ANKMY2: variants seen among roughly 807,000 people sequenced by gnomAD.
The protein encoded by ANKMY2 is ankyrin repeat and MYND domain containing 2.
A neutral mutation model predicts 50.4 loss-of-function variants in ANKMY2; 36 were observed. The observed-to-expected ratio is 0.71, with a 90% confidence interval of 0.55 to 0.94. The LOEUF is 0.94. Ranked by LOEUF, ANKMY2 falls within the 40% of genes least tolerant of loss-of-function variation. The probability of loss-of-function intolerance (pLI) is 0.00; values close to 1 mark genes in which losing one functional copy is unlikely to be tolerated. For synonymous variants in ANKMY2, 187 were observed against 178.8 expected (o/e 1.05, Z -0.36); for missense variants, 565 against 524.0 (o/e 1.08, Z -0.76).
At position 16,610,699 on chromosome 7, in the gene ANKMY2, C is replaced by G; in HGVS notation, c.596G>C (p.Arg199Thr). 3.1e-6 allele frequency: 5 copies of G among 1,613,974 alleles called. No homozygotes were observed. Among genetic ancestry groups the G allele is most frequent in the Non-Finnish European group, 4.2e-6 (5 of 1,179,964 alleles). The change falls in exon 6 of 10, where the codon AGA (arginine) becomes ACA (threonine). Residue 199 changes from arginine (R) to threonine (T), a missense_variant. Physicochemically the swap from Arg to Thr is moderately conservative, Grantham distance 71 (BLOSUM62 -1). Transcript: ENST00000306999. ...TEEAALNKCYRVMDLICEKCM... is the reference protein window; with the variant it reads ...TEEAALNKCYTVMDLICEKCM... ...TTTCTCACAAATCAAATCCATCACTCTGTAGCATTTATTCAGGGCTGCTTC... is the reference window on the plus strand; with the variant it reads ...TTTCTCACAAATCAAATCCATCACTGTGTAGCATTTATTCAGGGCTGCTTC...
At chr7:16,634,236 C>T (rs1781625556) in intron 2 of ANKMY2, among the ~76,000 whole-genome samples, 1 of 152,048 alleles carries the variant, frequency 6.6e-6, no homozygotes, top group Admixed American at 6.6e-5. Flanking sequence ...TAACAGAAAC[C>T]AGAGTTATCT....
At chr7:16,625,181 T>C in intron 3 of ANKMY2, 100 bp from the exon 4 acceptor site, 3 of 829,098 alleles carry the variant, frequency 3.6e-6, no homozygotes, top group Non-Finnish European at 5.7e-6. Flanking sequence ...CAGTTAGTTT[T>C]AGGTTTCTGT....
At position 16,600,944 on chromosome 7, in the gene ANKMY2, G is replaced by T; in HGVS notation, c.1143C>A (p.His381Gln). Residue 381 changes from histidine (H) to glutamine (Q), a missense_variant and splice_region_variant, in exon 10 of 10, where the codon CAC (histidine) becomes CAA (glutamine). Physicochemically the swap from His to Gln is conservative, Grantham distance 24. Coordinates refer to ENST00000306999, the MANE Select transcript of ANKMY2 (RefSeq NM_020319.3). The stretch of plus-strand genomic sequence containing the variant: ...AGTTAGAATTGACATCAAGTTTGCC[G>T]TCTGATTAAAAAAAGAAGAAGTTAT... ...AAKEKRQEEN[H>Q]GKLDVNSNCV... The T allele has an allele frequency of 6.3e-7, 1 of 1,575,878 alleles. No individual in the cohort carries two copies. Among genetic ancestry groups the T allele is most frequent in the Non-Finnish European group, 8.6e-7 (1 of 1,160,390 alleles).
intron 2 of ANKMY2, among the ~76,000 whole-genome samples, chr7:16,630,011 G>C (rs1038860877): frequency 1.3e-4 from 19 of 151,958 alleles, no homozygotes; most frequent in African/African-American, 4.3e-4. Flanking sequence ...GAAATAATTT[G>C]AAACAATACT....
Position 16,600,839 on chromosome 7 carries a change from C to G in ANKMY2, c.1248G>C (p.Lys416Asn), listed in dbSNP as rs1308989091. ...CAGCTTCGCTTTCAAGAGATTCTTT[C>G]TTTCCTTCCCCGGAATCTTCAGGAT... ...DSNPEDSGEG[K>N]KESLESEAEL... Residue 416 changes from lysine (K) to asparagine (N), a missense_variant, in exon 10 of 10, where the codon AAG becomes AAC. Lys to Asn is a moderately conservative substitution (Grantham distance 94). Coordinates refer to ENST00000306999, the MANE Select transcript of ANKMY2 (RefSeq NM_020319.3). 1.9e-6 allele frequency: 3 copies of G among 1,613,540 alleles called. No homozygotes were observed. The South Asian group carries it at 3.3e-5, about 18-fold the overall frequency.
Position 16,609,773 on chromosome 7 carries a change from A to G in ANKMY2, c.747-8T>C, listed in dbSNP as rs750247421. Reference sequence around the variant, plus strand: ...GCTCGGCCTTTTAACAAGCTGAAAGATATTTTTTAAAGCGTAATTGGAGTT... The same window carrying G: ...GCTCGGCCTTTTAACAAGCTGAAAGGTATTTTTTAAAGCGTAATTGGAGTT... On this transcript the variant is annotated splice_region_variant and splice_polypyrimidine_tract_variant and intron_variant, in intron 6 of 9. Transcript: ENST00000306999. 4.4e-6 allele frequency: 7 copies of G among 1,607,792 alleles called. No homozygotes were observed. In the South Asian group the frequency reaches 7.8e-5, roughly 18 times the overall value.
rs761231422 is a variant in ANKMY2, at chr7:16,645,562, T to C, written c.12A>G (p.Ile4Met). ...CCTCCTGGGTCAGCTCGCCTTTCTT[T>C]ATGTGAACCATTGCTCCCGCCAGCT... MVH[I>M]KKGELTQEEK... Residue 4 changes from isoleucine to methionine, a missense_variant, in exon 1 of 10, where the codon ATA becomes ATG. By Grantham distance (10) the Ile-to-Met change is conservative. Transcript: ENST00000306999. The C allele has an allele frequency of 3.7e-6, 6 of 1,611,898 alleles. No individual in the cohort carries two copies. In the African/African-American group the frequency reaches 4.0e-5, roughly 11 times the overall value.
intron 5 of ANKMY2, among the ~76,000 whole-genome samples, chr7:16,611,971 T>C (rs1471698184): frequency 2.0e-5 from 3 of 152,154 alleles, no homozygotes; most frequent in Non-Finnish European, 4.4e-5. Flanking sequence ...GCTGAGAGCT[T>C]TCCTTTCACT....
chr7:16,638,920 A>T (rs1261247494), intron 1 of ANKMY2, among the ~76,000 whole-genome samples: 1 of 152,242 alleles, frequency 6.6e-6, no homozygotes, highest in Non-Finnish European at 1.5e-5. Flanking sequence ...CCAGTGGCAG[A>T]GACCAAATAG....
chr7:16,645,417 A>G, intron 1 of ANKMY2, 90 bp downstream of exon 1: 2 of 1,313,340 alleles, frequency 1.5e-6, no homozygotes, highest in Non-Finnish European at 2.1e-6. Flanking sequence ...AACCGCAGCC[A>G]AAGGTCACCC....
chr7:16,618,297 A>C (rs1781386565), intron 4 of ANKMY2, among the ~76,000 whole-genome samples: 1 of 152,130 alleles, frequency 6.6e-6, no homozygotes, highest in Non-Finnish European at 1.5e-5. Flanking sequence ...TCAACAAAAC[A>C]AACAAAAAAG....
rs548127865 is a variant in ANKMY2, at chr7:16,603,666, G to A, written c.1011+1055C>T. 3.0e-5 allele frequency: 14 copies of A among 471,142 alleles called. No homozygotes were observed. The East Asian group carries it at 8.3e-4, about 28-fold the overall frequency. The allele number at this position is 471,142 out of a possible 1,614,324, so 29.2% of individuals were successfully genotyped here. On this transcript the variant is annotated intron_variant, in intron 8 of 9. Transcript: ENST00000306999. ...TGATTTCAAAGTTCTCTGCACTGAA[G>A]GGGAGGAGACTTGACTTCAGATTGG...
rs544834852 is a variant in ANKMY2 at position 16,606,341 on chromosome 7, A to T, written c.883-1492T>A. 2.0e-5 allele frequency among the ~76,000 whole-genome samples: 3 copies of T among 152,138 alleles called. No individual in the cohort carries two copies. The South Asian group carries it at 6.2e-4, about 32-fold the overall frequency. On this transcript the variant is annotated intron_variant, in intron 7 of 9. Transcript: ENST00000306999. ...CTACTTGGGAGGCTGAGGCAGAAGG[A>T]TCACCTGAGTCCGGGAGGCAGAGGT...
intron 1 of ANKMY2, among the ~76,000 whole-genome samples, chr7:16,638,928 T>C (rs1014533320): frequency 1.3e-5 from 2 of 152,158 alleles, no homozygotes; most frequent in African/African-American, 4.8e-5. Context: ...AGAGACCAAA[T>C]AGATATTTCT....
chr7:16,604,691 T>C (rs1317737032), intron 8 of ANKMY2, 30 bp downstream of exon 8: 2 of 1,607,580 alleles, frequency 1.2e-6, no homozygotes, highest in Non-Finnish European at 1.7e-6. Flanking sequence ...AAACCAGAGG[T>C]CAATGAAATA....
At chr7:16,623,112 G>A (rs988667735) in intron 4 of ANKMY2, among the ~76,000 whole-genome samples, 1 of 152,168 alleles carries the variant, frequency 6.6e-6, no homozygotes, top group Non-Finnish European at 1.5e-5. Context: ...TATCTGCTGT[G>A]TGATGGGTGG....
intron 4 of ANKMY2, among the ~76,000 whole-genome samples, chr7:16,624,767 C>T (rs1781487162): frequency 6.6e-6 from 1 of 152,002 alleles, no homozygotes; most frequent in African/African-American, 2.4e-5. Context: ...TTACAATGGC[C>T]CCACTACTCT....
rs1053650033 is a variant in ANKMY2 at position 16,640,731 on chromosome 7, C to T, written c.68-4276G>A. On this transcript the variant is annotated intron_variant, in intron 1 of 9. Transcript: ENST00000306999. ...ACAACGGGGTCTCACTATATTGAGA[C>T]CCAGGCTGGTGGCAAACTCCTGGGT... Among the ~76,000 whole-genome samples the T allele has an allele frequency of 3.3e-5, 5 of 151,922 alleles. No individual in the cohort carries two copies. In the East Asian group the frequency reaches 7.8e-4, roughly 24 times the overall value.
intron 2 of ANKMY2, 56 bp downstream of exon 2, chr7:16,636,335 T>C (rs1280411556): frequency 4.5e-6 from 2 of 448,124 alleles, no homozygotes; most frequent in African/African-American, 2.6e-5. Flanking sequence ...AAAAAAAGGA[T>C]ATATTATCTC....
Sources: allele counts gnomAD v4.1 joint callset (sites outside exome capture counted in the v4.1 genomes callset), GRCh38; gene constraint gnomAD v4.1.1; transcripts MANE v1.5; gene names NCBI Gene and HGNC (gene_info 2026-07-23, HGNC 2026-07-21).